Variants in DPP10 observed in about 807,000 individuals in gnomAD.
The protein encoded by DPP10 is inactive dipeptidyl peptidase 10.
In DPP10, 33 loss-of-function variants were observed where a neutral mutation model predicts 120.9. That is an observed-to-expected ratio of 0.27 (90% confidence interval 0.21 to 0.37). DPP10 has a LOEUF of 0.37. Among genes scored for constraint, DPP10 ranks in the 10% least tolerant of loss-of-function variants. DPP10 has a pLI of 1.00. For missense variants in DPP10, 816 were observed against 942.8 expected (o/e 0.87, Z 1.76); for synonymous variants, 337 against 326.1 (o/e 1.03, Z -0.36).
At chr2:115,833,208 A>T (rs1385559767) in intron 21 of DPP10, among the ~76,000 whole-genome samples, 1 of 152,208 alleles carries the variant, frequency 6.6e-6, no homozygotes, top group Admixed American at 6.5e-5. Context: ...TAAATGTAAC[A>T]TAAGCTTTTA....
chr2:114,540,369 T>C (rs1686858998), intron 1 of DPP10, among the ~76,000 whole-genome samples: 1 of 152,152 alleles, frequency 6.6e-6, no homozygotes. Context: ...AGAAAAGTGA[T>C]TGGAAGCCTG....
intron 3 of DPP10, among the ~76,000 whole-genome samples, chr2:115,450,090 A>G (rs1227986154): frequency 1.3e-5 from 2 of 151,950 alleles, no homozygotes; most frequent in African/African-American, 2.4e-5. Flanking sequence ...TTATGTCCCA[A>G]TTAGCCCATC....
chr2:114,855,419 C>T (rs1689294686), intron 1 of DPP10, among the ~76,000 whole-genome samples: 1 of 152,072 alleles, frequency 6.6e-6, no homozygotes. Flanking sequence ...TCTTATACTC[C>T]AATTTTATTT....
chr2:115,071,838 A>G (rs1382924049), intron 1 of DPP10, among the ~76,000 whole-genome samples: 1 of 152,162 alleles, frequency 6.6e-6, no homozygotes, highest in African/African-American at 2.4e-5. Context: ...CTGGTCAATA[A>G]TCTAGGCACC....
intron 1 of DPP10, among the ~76,000 whole-genome samples, chr2:114,954,399 AAATAAC>A (rs1698050879): frequency 6.6e-6 from 1 of 152,060 alleles, no homozygotes; most frequent in Non-Finnish European, 1.5e-5. Context: ...GGCATTTTTT[AAATAAC>A]TTAAGACAAA....
chr2:115,067,144 AG>A (rs1706918254), intron 1 of DPP10, among the ~76,000 whole-genome samples: 1 of 152,084 alleles, frequency 6.6e-6, no homozygotes, highest in Non-Finnish European at 1.5e-5. Context: ...TATATGTGAG[AG>A]TATGCTGTAT....
intron 1 of DPP10, among the ~76,000 whole-genome samples, chr2:115,003,167 A>T (rs1311996652): frequency 1.8e-5 from 2 of 112,760 alleles, no homozygotes; most frequent in Non-Finnish European, 3.6e-5. Context: ...TACATATACT[A>T]TGTAGCTATA....
chr2:114,998,852 A>C (rs1249873635), intron 1 of DPP10, among the ~76,000 whole-genome samples: 1 of 152,104 alleles, frequency 6.6e-6, no homozygotes, highest in Non-Finnish European at 1.5e-5. Context: ...AATACTCCTT[A>C]AGATGCCATT....
intron 1 of DPP10, among the ~76,000 whole-genome samples, chr2:115,038,136 T>G (rs1704356650): frequency 2.6e-5 from 4 of 152,196 alleles, no homozygotes; most frequent in Admixed American, 2.6e-4. Flanking sequence ...ATTTGCCTGG[T>G]GGAGGGGCAT....
At chr2:115,702,013 C>T (rs1459936184) in intron 7 of DPP10, among the ~76,000 whole-genome samples, 8 of 151,944 alleles carry the variant, frequency 5.3e-5, no homozygotes, top group Admixed American at 3.3e-4. Flanking sequence ...CATTTCATGC[C>T]TATATAATCA....
chr2:114,858,798 G>T (rs17043695), intron 1 of DPP10, among the ~76,000 whole-genome samples: 3,717 of 152,160 alleles, frequency 0.024, 140 homozygotes, highest in African/African-American at 0.079. Context: ...GATCCTAGGA[G>T]GTGCTTTTTA....
chr2:115,126,095 A>G (rs568120574), intron 1 of DPP10, among the ~76,000 whole-genome samples: 1 of 152,306 alleles, frequency 6.6e-6, no homozygotes, highest in East Asian at 1.9e-4. Context: ...GACAAAAATT[A>G]TATAGTACTT....
chr2:115,563,396 T>A (rs1055290205), intron 5 of DPP10, among the ~76,000 whole-genome samples: 4 of 152,204 alleles, frequency 2.6e-5, no homozygotes, highest in Admixed American at 1.3e-4. Flanking sequence ...TTTGTTTTTA[T>A]ATTTTCTGAT....
intron 1 of DPP10, among the ~76,000 whole-genome samples, chr2:114,685,102 T>C (rs1373205414): frequency 2.6e-5 from 4 of 151,966 alleles, no homozygotes; most frequent in African/African-American, 9.7e-5. Context: ...GATATCCTCA[T>C]TTTCTTTCTT....
At chr2:115,246,681 GAC>G (rs1460667034) in intron 1 of DPP10, among the ~76,000 whole-genome samples, 9 of 152,088 alleles carry the variant, frequency 5.9e-5, no homozygotes, top group Non-Finnish European at 1.0e-4. Flanking sequence ...CAGTGTATGG[GAC>G]ACACACAGAT....
At chr2:115,727,757 G>A (rs376657654) in intron 7 of DPP10, 59 bp from the exon 8 acceptor site, 7 of 1,517,920 alleles carry the variant, frequency 4.6e-6, no homozygotes, top group Non-Finnish European at 5.3e-6. Flanking sequence ...TAATATTAAA[G>A]TTTCAAAAGG....
chr2:114,523,643 C>G (rs937032577), intron 1 of DPP10, among the ~76,000 whole-genome samples: 3 of 152,112 alleles, frequency 2.0e-5, no homozygotes, highest in African/African-American at 7.3e-5. Context: ...AAAGCCTAGA[C>G]TTTTTTTAAG....
chr2:114,576,532 C>A (rs140877227), intron 1 of DPP10, among the ~76,000 whole-genome samples: 1 of 152,188 alleles, frequency 6.6e-6, no homozygotes, highest in Non-Finnish European at 1.5e-5. Flanking sequence ...TTTGATCCAA[C>A]CTTGTGGTTT....
intron 1 of DPP10, among the ~76,000 whole-genome samples, chr2:115,018,090 C>G (rs1702795797): frequency 6.6e-6 from 1 of 151,694 alleles, no homozygotes; most frequent in African/African-American, 2.4e-5. Flanking sequence ...ATTTATGCGG[C>G]CAACAAACAT....
Sources: gnomAD v4.1 joint callset for allele counts (sites outside exome capture counted in the v4.1 genomes callset) on GRCh38, gnomAD v4.1.1 for gene constraint, MANE v1.5 for transcripts, NCBI Gene and HGNC (gene_info 2026-07-23, HGNC 2026-07-21) for gene names.